The following ATAT1 variants were observed in gnomAD, a reference collection of about 807,000 sequenced individuals.
ATAT1 encodes alpha tubulin acetyltransferase 1.
ATAT1 carries 42 observed loss-of-function variants against 57.2 expected under a neutral mutation model. That is an observed-to-expected ratio of 0.73 (90% CI 0.57 to 0.95). The LOEUF (loss-of-function observed/expected upper bound fraction) is 0.95. Among genes scored for constraint, ATAT1 ranks in the 40% least tolerant of loss-of-function variants. The probability of loss-of-function intolerance (pLI) is 0.00; values close to 1 mark genes in which losing one functional copy is unlikely to be tolerated. For synonymous variants in ATAT1, 168 were observed against 187.1 expected, an observed-to-expected ratio of 0.90 and a Z score of 0.83; for missense variants, 454 against 523.7, an observed-to-expected ratio of 0.87 and a Z score of 1.30.
At position 30,646,479 on chromosome 6, in the gene ATAT1, G is replaced by A; in HGVS notation, c.1066G>A (p.Glu356Lys). Reference sequence around the variant, plus strand: ...CTCCCCACCTACCAGGTCTGCCAGTGAGGAGCAGGCCTTGTCACAGGATGG... The same window carrying A: ...CTCCCCACCTACCAGGTCTGCCAGTAAGGAGCAGGCCTTGTCACAGGATGG... Residue 356 changes from glutamate (E) to lysine (K), a missense_variant, in exon 13 of 13, where the codon GAG becomes AAG. This residue lies in a region of ATAT1 where 216 missense variants were observed against 222.2 expected (regional missense o/e 0.97). Transcript: ENST00000330083. 6.3e-7 allele frequency: 1 copy of A among 1,582,652 alleles called. No homozygotes were observed. The highest frequency in any genetic ancestry group is 8.6e-7 in the Non-Finnish European group (1 of 1,163,030).
intron 10 of ATAT1, among the ~76,000 whole-genome samples, chr6:30,645,292 T>G (rs1766466791): frequency 1.3e-5 from 2 of 151,736 alleles, no homozygotes; most frequent in South Asian, 4.2e-4. Context: ...CTCAGCTCAC[T>G]GCAACCTCCG....
At position 30,644,030 on chromosome 6, in the gene ATAT1, T is replaced by C. The variant is rs1019622546; in HGVS notation, c.932+1019T>C. 1.0e-5 allele frequency: 10 copies of C among 993,178 alleles called. No individual in the cohort carries two copies. In the Admixed American group the frequency reaches 6.0e-4, roughly 60 times the overall value. 61.5% of individuals were successfully genotyped at this position (993,178 alleles called of 1,614,324 possible). ...ACTGCTTTGTGCTGCCTGCCACACTTGCCCTTTGAGCCTGCGAATGGCCGC... is the reference window on the plus strand; with the variant it reads ...ACTGCTTTGTGCTGCCTGCCACACTCGCCCTTTGAGCCTGCGAATGGCCGC... On this transcript the variant is annotated intron_variant, in intron 10 of 12. Coordinates refer to ENST00000330083, the MANE Select transcript of ATAT1 (RefSeq NM_001031722.4).
Position 30,646,639 on chromosome 6 carries a change from G to C in ATAT1, c.1226G>C (p.Trp409Ser). The change falls in exon 13 of 13, where the codon TGG becomes TCG. Residue 409 changes from tryptophan (W) to serine (S), a missense_variant. By Grantham distance (177) the Trp-to-Ser change is radical (BLOSUM62 -3). Around this residue, in one of 3 missense-constraint regions of ATAT1, gnomAD observed 216 missense variants for 222.2 expected, o/e 0.97. Coordinates refer to ENST00000330083, the MANE Select transcript of ATAT1 (RefSeq NM_001031722.4). ...CAGGAACGTCGCAGCACCAGGCCTTGGTGACCGCAGCCCCGTCAAACATCT... is the reference window on the plus strand; with the variant it reads ...CAGGAACGTCGCAGCACCAGGCCTTCGTGACCGCAGCCCCGTCAAACATCT... The C allele has an allele frequency of 3.2e-6, 5 of 1,558,870 alleles. No homozygotes were observed. The South Asian group carries it at 5.9e-5, about 18-fold the overall frequency.
Position 30,642,979 on chromosome 6 carries a change from T to G in ATAT1, c.900T>G (p.Pro300=), listed in dbSNP as rs1765841462. The change falls in exon 10 of 13, where the codon CCT becomes CCG. Residue 300 remains proline (P), a synonymous_variant. Coordinates refer to ENST00000330083, the MANE Select transcript of ATAT1 (RefSeq NM_001031722.4). ...CCCGCCTTCTGTTGGCTGCTGACCC[T>G]GGGGGCAGCCCAGCTCAACGTCGTC... The G allele has an allele frequency of 6.2e-7, 1 of 1,613,806 alleles. No homozygotes were observed. Among genetic ancestry groups the G allele is most frequent in the Non-Finnish European group, 8.5e-7 (1 of 1,179,986 alleles).
At chr6:30,627,599 G>A (rs1159795693) in intron 2 of ATAT1, 37 bp from the exon 3 acceptor site, 1 of 1,609,756 alleles carries the variant, frequency 6.2e-7, no homozygotes. Context: ...GTCCTTCGGA[G>A]AGACTTGCAG....
chr6:30,641,376 A>G (rs945957458), intron 8 of ATAT1, among the ~76,000 whole-genome samples: 1 of 152,140 alleles, frequency 6.6e-6, no homozygotes, highest in Non-Finnish European at 1.5e-5. Flanking sequence ...GGCTTCTCCC[A>G]TTTAGCTTGT....
At chr6:30,640,247 A>G (rs1220049387) in intron 6 of ATAT1, 130 bp from the exon 7 acceptor site, 22 of 945,064 alleles carry the variant, frequency 2.3e-5, no homozygotes, top group Non-Finnish European at 3.6e-5. Flanking sequence ...GTTGTAGGCT[A>G]TAGTGTCTAG....
rs751847553 is a variant in ATAT1, at chr6:30,640,542, T to G, written c.555T>G (p.Pro185=). 2.5e-6 allele frequency: 4 copies of G among 1,612,876 alleles called. No homozygotes were observed. The African/African-American group carries it at 5.3e-5, about 22-fold the overall frequency. The change falls in exon 8 of 13, where the codon CCT becomes CCG. Residue 185 remains proline (P), a synonymous_variant. Transcript: ENST00000330083. ...CCGCTTCCTTCCTCACAGGGCCCCC[T>G]GCTCCCTCTCTGAGGGCAACTCGAC...
At chr6:30,645,013 T>G (rs944421306) in intron 10 of ATAT1, among the ~76,000 whole-genome samples, 1 of 152,134 alleles carries the variant, frequency 6.6e-6, no homozygotes, top group African/African-American at 2.4e-5. Flanking sequence ...GATCCACTAA[T>G]TACCTCCTGC....
chr6:30,638,476 A>G (rs1407512379), intron 6 of ATAT1, among the ~76,000 whole-genome samples: 2 of 151,690 alleles, frequency 1.3e-5, no homozygotes, highest in Non-Finnish European at 2.9e-5. Flanking sequence ...TATTTTTAGT[A>G]GAGACAGGGT....
At chr6:30,637,651 C>CCAG (rs1411168120) in intron 6 of ATAT1, among the ~76,000 whole-genome samples, 1 of 150,946 alleles carries the variant, frequency 6.6e-6, no homozygotes, top group Non-Finnish European at 1.5e-5. Flanking sequence ...CCATTGCACT[C>CCAG]CAGCATGGGC....
intron 6 of ATAT1, among the ~76,000 whole-genome samples, chr6:30,638,504 A>C (rs1174163585): frequency 6.6e-6 from 1 of 151,404 alleles, no homozygotes; most frequent in Non-Finnish European, 1.5e-5. Context: ...TCCTGACCTC[A>C]AGTGATCCAC....
Position 30,628,332 on chromosome 6 carries a change from G to A in ATAT1, c.403G>A (p.Glu135Lys), listed in dbSNP as rs1476454674. The A allele has an allele frequency of 1.9e-6, 3 of 1,612,788 alleles. No homozygotes were observed. The highest frequency in any genetic ancestry group is 2.5e-6 in the Non-Finnish European group (3 of 1,179,976). The stretch of plus-strand genomic sequence containing the variant: ...CTGAGTCTCCTTTTCCCTGCAGAAG[G>A]AGCGAGTGGAACCGCACCAACTGGC... The change falls in exon 6 of 13, where the codon GAG (glutamate) becomes AAG (lysine). Residue 135 changes from glutamate to lysine, a missense_variant. Around this residue, in one of 3 missense-constraint regions of ATAT1, gnomAD observed 236 missense variants for 284.5 expected, o/e 0.83. Coordinates refer to ENST00000330083, the MANE Select transcript of ATAT1 (RefSeq NM_001031722.4).
chr6:30,644,344 G>C, intron 10 of ATAT1: 1 of 985,830 alleles, frequency 1.0e-6, no homozygotes, highest in Non-Finnish European at 1.2e-6. Context: ...CTCCCTGGTA[G>C]CTAGGTCCCG....
At position 30,627,135 on chromosome 6, in the gene ATAT1, C is replaced by G; in HGVS notation, c.-69C>G. 1 of 1,604,634 alleles carries G rather than the reference C, an allele frequency of 6.2e-7. No homozygotes were observed. Among genetic ancestry groups the G allele is most frequent in the Non-Finnish European group, 8.5e-7 (1 of 1,175,278 alleles). ...CTTTTTGGTGACCTCTGACCCTGGG[C>G]CTAGTGGGATTGATCAGCGCTTGGA... On this transcript the variant is annotated 5_prime_UTR_variant, in exon 1 of 13. Coordinates refer to ENST00000330083, the MANE Select transcript of ATAT1 (RefSeq NM_001031722.4).
chr6:30,641,663 C>G (rs977323032), intron 8 of ATAT1: 1 of 478,186 alleles, frequency 2.1e-6, no homozygotes, highest in African/African-American at 2.1e-5. Context: ...TTTTTTTAAC[C>G]TAATAAAACT....
At chr6:30,643,860 T>C in intron 10 of ATAT1, 1 of 1,294,098 alleles carries the variant, frequency 7.7e-7, no homozygotes, top group Non-Finnish European at 9.8e-7. Flanking sequence ...CATACATTTA[T>C]CTAGAGAAGC....
Position 30,642,852 on chromosome 6 carries a change from C to CCA in ATAT1, c.774_775dup (p.Ser259ThrfsTer61). The CCA allele has an allele frequency of 6.3e-7, 1 of 1,595,090 alleles. No homozygotes were observed. Among genetic ancestry groups the CCA allele is most frequent in the Admixed American group, 1.7e-5 (1 of 58,808 alleles). On this transcript the variant is annotated frameshift_variant, in exon 10 of 13. Transcript: ENST00000330083. LOFTEE classifies it high-confidence loss of function. Reference sequence around the variant, plus strand: ...CCTCCAGCCCACCCACCCCCCCGCTCCAGCAGCCTGGGAAACTCACCAGAA... The same window carrying CCA: ...CCTCCAGCCCACCCACCCCCCCGCTCCACAGCAGCCTGGGAAACTCACCAGAA...
chr6:30,645,848 C>A, intron 10 of ATAT1, 47 bp from the exon 11 acceptor site: 1 of 1,388,252 alleles, frequency 7.2e-7, no homozygotes, highest in Non-Finnish European at 9.6e-7. Context: ...ACCCACCCAT[C>A]TTTCATCCAG....
Sources: gnomAD v4.1 joint callset for allele counts (sites outside exome capture counted in the v4.1 genomes callset) on GRCh38, gnomAD v4.1.1 for gene constraint, gnomAD v4.1.1 regional missense constraint, MANE v1.5 for transcripts, NCBI Gene and HGNC (gene_info 2026-07-23, HGNC 2026-07-21) for gene names.